The following KIAA1328 variants were observed in gnomAD, a reference collection of about 807,000 sequenced individuals.
KIAA1328 encodes KIAA1328, also known as protein hinderin.
In KIAA1328, 52 loss-of-function variants were observed where a neutral mutation model predicts 68.1. The observed-to-expected ratio is 0.76, with a 90% CI of 0.61 to 0.96. KIAA1328 has a LOEUF of 0.96. Ranked by LOEUF, KIAA1328 falls within the 40% of genes least tolerant of loss-of-function variation. The pLI, the probability that KIAA1328 is intolerant of heterozygous loss-of-function variation, is 0.00. For missense variants in KIAA1328, 641 were observed against 677.6 expected, an observed-to-expected ratio of 0.95 and a Z score of 0.60; for synonymous variants, 232 against 239.4, an observed-to-expected ratio of 0.97 and a Z score of 0.28.
intron 7 of KIAA1328, among the ~76,000 whole-genome samples, chr18:37,115,569 G>C (rs541292074): frequency 6.6e-6 from 1 of 152,286 alleles, no homozygotes; most frequent in East Asian, 1.9e-4. Flanking sequence ...TACTGAATGG[G>C]CAAAAACTGG....
At chr18:36,989,902 C>T (rs958831666) in intron 6 of KIAA1328, among the ~76,000 whole-genome samples, 1 of 152,026 alleles carries the variant, frequency 6.6e-6, no homozygotes, top group East Asian at 1.9e-4. Flanking sequence ...CACCTGTTAG[C>T]CAGGATGGTC....
intron 6 of KIAA1328, among the ~76,000 whole-genome samples, chr18:36,961,272 A>C (rs559104023): frequency 1.4e-4 from 21 of 152,196 alleles, no homozygotes; most frequent in Non-Finnish European, 2.5e-4. Context: ...GAGAAAAAAA[A>C]GTAAAAACAA....
intron 4 of KIAA1328, among the ~76,000 whole-genome samples, chr18:36,844,653 G>A (rs2046968491): frequency 6.6e-6 from 1 of 151,786 alleles, no homozygotes; most frequent in South Asian, 2.1e-4. Context: ...TTTTCCTTCA[G>A]CATCTGAAGA....
At chr18:37,169,108 A>T (rs562929985) in intron 8 of KIAA1328, among the ~76,000 whole-genome samples, 46 of 151,934 alleles carry the variant, frequency 3.0e-4, no homozygotes, top group African/African-American at 9.6e-4. Context: ...GTATGAAATC[A>T]ATTAGCCTAG....
At chr18:37,046,329 G>A (rs1436908195) in intron 6 of KIAA1328, among the ~76,000 whole-genome samples, 2 of 151,998 alleles carry the variant, frequency 1.3e-5, no homozygotes, top group African/African-American at 4.8e-5. Flanking sequence ...TTTTGATGAG[G>A]GCTTTTCTAT....
chr18:36,988,504 C>A (rs2053037670), intron 6 of KIAA1328, among the ~76,000 whole-genome samples: 1 of 152,124 alleles, frequency 6.6e-6, no homozygotes, highest in Admixed American at 6.5e-5. Flanking sequence ...ATTTACAAAC[C>A]ATTTTGTGTG....
intron 7 of KIAA1328, among the ~76,000 whole-genome samples, chr18:37,086,131 G>C (rs1475479441): frequency 6.6e-6 from 1 of 152,190 alleles, no homozygotes; most frequent in South Asian, 2.1e-4. Flanking sequence ...AAGTTTCAGT[G>C]AGCTTGAATA....
At chr18:37,019,161 C>G (rs1323435680) in intron 6 of KIAA1328, among the ~76,000 whole-genome samples, 1 of 151,960 alleles carries the variant, frequency 6.6e-6, no homozygotes, top group South Asian at 2.1e-4. Context: ...CTGCCCCCTC[C>G]TCCCCACCCC....
rs75287719 is a variant in KIAA1328 at position 37,184,153 on chromosome 18, T to C, written c.1523+11072T>C. 2.0e-5 allele frequency among the ~76,000 whole-genome samples: 3 copies of C among 152,350 alleles called. No homozygotes were observed. The East Asian group carries it at 5.8e-4, about 29-fold the overall frequency. ...CCAGTTCATGACATTCCAGTAGACA[T>C]CTATTTTGCTTTATGTCTTCACCAC... On this transcript the variant is annotated intron_variant, in intron 9 of 9. Coordinates refer to ENST00000280020, the MANE Select transcript of KIAA1328 (RefSeq NM_020776.3).
intron 7 of KIAA1328, among the ~76,000 whole-genome samples, chr18:37,135,132 C>T (rs1044072666): frequency 3.9e-5 from 6 of 152,176 alleles, no homozygotes; most frequent in East Asian, 1.9e-4. Context: ...TCCATGCCTT[C>T]GCTATTGTGA....
chr18:37,169,352 A>G (rs2059453838), intron 8 of KIAA1328, among the ~76,000 whole-genome samples: 1 of 151,880 alleles, frequency 6.6e-6, no homozygotes, highest in Non-Finnish European at 1.5e-5. Context: ...TTTTTAGTAG[A>G]TATGGGGTTT....
chr18:37,008,214 A>G (rs572550344), intron 6 of KIAA1328, among the ~76,000 whole-genome samples: 3 of 152,368 alleles, frequency 2.0e-5, no homozygotes, highest in African/African-American at 7.2e-5. Context: ...GTGTCAGACA[A>G]GAAAGCTCTG....
At chr18:37,041,641 TG>T (rs2151625261) in intron 6 of KIAA1328, among the ~76,000 whole-genome samples, 1 of 1,884 alleles carries the variant, frequency 5.3e-4, no homozygotes, top group East Asian at 0.015. Context: ...TTTTTGTGTT[TG>T]TGTGTGTGTG....
intron 5 of KIAA1328, among the ~76,000 whole-genome samples, chr18:36,951,229 C>A (rs1441145313): frequency 6.6e-6 from 1 of 152,090 alleles, no homozygotes; most frequent in African/African-American, 2.4e-5. Context: ...CTTGTCATTA[C>A]TCTTCATTTG....
intron 7 of KIAA1328, among the ~76,000 whole-genome samples, chr18:37,104,163 T>C (rs571612918): frequency 2.0e-5 from 3 of 152,336 alleles, no homozygotes; most frequent in South Asian, 4.1e-4. Context: ...CATCTCACTA[T>C]TGGATATTTA....
At chr18:37,169,168 A>ATT (rs1488537619) in intron 8 of KIAA1328, among the ~76,000 whole-genome samples, 84 of 148,900 alleles carry the variant, frequency 5.6e-4, no homozygotes, top group Non-Finnish European at 6.7e-4. Context: ...TTATTTATTT[A>ATT]TATTTTTTTT....
chr18:36,989,438 G>A (rs2053077849), intron 6 of KIAA1328, among the ~76,000 whole-genome samples: 1 of 152,134 alleles, frequency 6.6e-6, no homozygotes, highest in African/African-American at 2.4e-5. Context: ...TTCTTGGGTA[G>A]GACAGTGTGT....
intron 4 of KIAA1328, among the ~76,000 whole-genome samples, chr18:36,855,621 G>A (rs879143303): frequency 2.6e-5 from 4 of 151,012 alleles, no homozygotes; most frequent in Admixed American, 2.6e-4. Context: ...TTTCTTGGTG[G>A]TGTCCTTTGA....
chr18:37,034,183 C>T (rs2054940040), intron 6 of KIAA1328, among the ~76,000 whole-genome samples: 1 of 151,990 alleles, frequency 6.6e-6, no homozygotes. Flanking sequence ...ATAATAAGTG[C>T]ATAGTAATAA....
Sources: allele counts gnomAD v4.1 joint callset (sites outside exome capture counted in the v4.1 genomes callset), GRCh38; gene constraint gnomAD v4.1.1; transcripts MANE v1.5; gene names NCBI Gene and HGNC (gene_info 2026-07-23, HGNC 2026-07-21).